The following CTNNA2 variants were observed in gnomAD, a reference collection of about 807,000 sequenced individuals.
The protein encoded by CTNNA2 is catenin alpha 2.
CTNNA2 carries 42 observed loss-of-function variants against 101.0 expected under a neutral mutation model. The ratio of observed to expected loss-of-function variants is 0.42; its 90% confidence interval spans 0.32 to 0.54. CTNNA2 has a LOEUF of 0.54. CTNNA2 is among the 20% of genes least tolerant of loss of function. The pLI, the probability that CTNNA2 is intolerant of heterozygous loss-of-function variation, is 0.14. For synonymous variants in CTNNA2, 450 were observed against 456.4 expected, an observed-to-expected ratio of 0.99 and a Z score of 0.18; for missense variants, 871 against 1,223.1, an observed-to-expected ratio of 0.71 and a Z score of 4.29.
At chr2:80,406,367 G>T (rs1193545386) in intron 8 of CTNNA2, among the ~76,000 whole-genome samples, 1 of 151,616 alleles carries the variant, frequency 6.6e-6, no homozygotes, top group South Asian at 2.1e-4. Context: ...TTTGAGCAAG[G>T]CTGGGAAACC....
intron 3 of CTNNA2, among the ~76,000 whole-genome samples, chr2:79,801,685 A>G (rs1399001199): frequency 6.6e-6 from 1 of 152,110 alleles, no homozygotes; most frequent in Non-Finnish European, 1.5e-5. Context: ...TTAGTTCTCT[A>G]ATCCATAGAG....
intron 7 of CTNNA2, among the ~76,000 whole-genome samples, chr2:80,007,222 T>C (rs1296921353): frequency 6.6e-6 from 1 of 152,066 alleles, no homozygotes; most frequent in African/African-American, 2.4e-5. Context: ...CCGAGAAGAT[T>C]GAAGGATATG....
At chr2:79,898,856 A>G (rs1156973506) in intron 6 of CTNNA2, among the ~76,000 whole-genome samples, 3 of 152,080 alleles carry the variant, frequency 2.0e-5, no homozygotes, top group Non-Finnish European at 4.4e-5. Context: ...GTTCTCTTTC[A>G]CAAGCAGGTG....
At chr2:80,575,663 C>A (rs1694981314) in intron 13 of CTNNA2, among the ~76,000 whole-genome samples, 1 of 152,106 alleles carries the variant, frequency 6.6e-6, no homozygotes. Context: ...GATATATTCC[C>A]TCTTTTGCCA....
chr2:80,348,644 G>C (rs1002278376), intron 7 of CTNNA2, among the ~76,000 whole-genome samples: 5 of 152,116 alleles, frequency 3.3e-5, no homozygotes, highest in African/African-American at 1.2e-4. Context: ...GTTTATTTTT[G>C]TGTAGCCTTA....
intron 15 of CTNNA2, among the ~76,000 whole-genome samples, chr2:80,597,573 C>A (rs1030425976): frequency 7.9e-5 from 12 of 152,100 alleles, no homozygotes; most frequent in African/African-American, 2.9e-4. Flanking sequence ...ATAAATTACC[C>A]ATCTGGCAAG....
rs1033431652 is a variant in CTNNA2 at position 80,036,007 on chromosome 2, T to C, written c.1056+126210T>C. Among the ~76,000 whole-genome samples the C allele has an allele frequency of 3.3e-5, 5 of 152,212 alleles. No individual in the cohort carries two copies. In the East Asian group the frequency reaches 9.6e-4, roughly 29 times the overall value. ...ACATGAGCCACAGCAAGTCTTTTGA[T>C]TCAGTCCCACATGACGGTCTCATCA... On this transcript the variant is annotated intron_variant, in intron 7 of 18. Coordinates refer to ENST00000402739, the MANE Select transcript of CTNNA2 (RefSeq NM_001282597.3).
intron 3 of CTNNA2, among the ~76,000 whole-genome samples, chr2:79,356,855 A>G (rs1476794165): frequency 4.6e-5 from 7 of 152,212 alleles, no homozygotes; most frequent in Admixed American, 3.3e-4. Context: ...AAAACCAACA[A>G]TAGAATTGAT....
intron 10 of CTNNA2, 113 bp from the exon 11 acceptor site, chr2:80,545,794 C>A: frequency 5.1e-6 from 5 of 985,296 alleles, no homozygotes; most frequent in South Asian, 2.0e-5. Flanking sequence ...ACACCAAGAA[C>A]CCACTTATCT....
At chr2:79,492,809 C>T (rs1671217462) in intron 4 of CTNNA2, among the ~76,000 whole-genome samples, 1 of 152,074 alleles carries the variant, frequency 6.6e-6, no homozygotes, top group South Asian at 2.1e-4. Flanking sequence ...CAAAAATCCT[C>T]GCCAAAATAC....
chr2:79,593,130 T>C (rs573681348), intron 1 of CTNNA2, among the ~76,000 whole-genome samples: 4 of 152,336 alleles, frequency 2.6e-5, no homozygotes, highest in South Asian at 2.1e-4. Flanking sequence ...AACATTCTAA[T>C]TCCAGCTCCA....
At chr2:80,231,944 A>C (rs1039125784) in intron 7 of CTNNA2, among the ~76,000 whole-genome samples, 1 of 152,160 alleles carries the variant, frequency 6.6e-6, no homozygotes, top group African/African-American at 2.4e-5. Flanking sequence ...GTGGCCACCT[A>C]TGAGATTTTA....
At position 80,303,043 on chromosome 2, in the gene CTNNA2, C is replaced by T; in HGVS notation, c.1057-90168C>T. ...TCTCGTTGCCCGACAAGTCCATTTT[C>T]TCCAGGTTCCAAACCCAGTCCAGCG... is the stretch of plus-strand genomic sequence containing the variant. On this transcript the variant is annotated intron_variant, in intron 7 of 18. Transcript: ENST00000402739. The surrounding 1 kb of genome is among the most constrained non-coding windows in gnomAD (Gnocchi z 7.7). 6.2e-7 allele frequency: 1 copy of T among 1,613,888 alleles called. No homozygotes were observed. The highest frequency in any genetic ancestry group is 1.7e-5 in the Admixed American group (1 of 59,984).
At chr2:80,262,084 A>G (rs1364648933) in intron 7 of CTNNA2, among the ~76,000 whole-genome samples, 1 of 152,206 alleles carries the variant, frequency 6.6e-6, no homozygotes, top group Non-Finnish European at 1.5e-5. Context: ...TAGAAAAACT[A>G]GAATAAATAT....
At chr2:80,259,663 C>A (rs1309039073) in intron 7 of CTNNA2, among the ~76,000 whole-genome samples, 1 of 152,192 alleles carries the variant, frequency 6.6e-6, no homozygotes, top group Non-Finnish European at 1.5e-5. Flanking sequence ...CAAGAATTTT[C>A]TTTACTACAA....
chr2:79,741,509 T>C (rs1453670844), intron 2 of CTNNA2, among the ~76,000 whole-genome samples: 1 of 152,192 alleles, frequency 6.6e-6, no homozygotes, highest in African/African-American at 2.4e-5. Context: ...GGGATGTCTC[T>C]CTATTATGTA....
intron 7 of CTNNA2, among the ~76,000 whole-genome samples, chr2:80,108,310 A>G (rs962155424): frequency 2.0e-5 from 3 of 152,310 alleles, no homozygotes; most frequent in East Asian, 1.9e-4. Context: ...TGCAGCAAGT[A>G]TGTAGGTATA....
At chr2:80,109,316 C>T (rs1033674859) in intron 7 of CTNNA2, among the ~76,000 whole-genome samples, 4 of 152,036 alleles carry the variant, frequency 2.6e-5, no homozygotes, top group African/African-American at 9.7e-5. Context: ...AAAACATTAG[C>T]CAGGCATGGT....
chr2:80,397,904 A>G (rs1678174469), intron 8 of CTNNA2, among the ~76,000 whole-genome samples: 1 of 152,166 alleles, frequency 6.6e-6, no homozygotes, highest in African/African-American at 2.4e-5. Context: ...GCACTCTGGG[A>G]AATACACGTG....
Sources: gnomAD v4.1 joint callset for allele counts (sites outside exome capture counted in the v4.1 genomes callset) on GRCh38, gnomAD v4.1.1 for gene constraint, Gnocchi (gnomAD v3.1) non-coding constraint, MANE v1.5 for transcripts, NCBI Gene and HGNC (gene_info 2026-07-23, HGNC 2026-07-21) for gene names.